AKR1B15: variants seen among roughly 807,000 people sequenced by gnomAD.
AKR1B15 encodes estradiol 17-beta-dehydrogenase AKR1B15.
In AKR1B15, 49 loss-of-function variants were observed where a neutral mutation model predicts 38.5. The observed-to-expected ratio is 1.27, with a 90% CI of 1.01 to 1.62. AKR1B15 has a LOEUF of 1.62. Ranked by LOEUF, AKR1B15 falls within the 40% of genes most tolerant of loss-of-function variation. The pLI is 0.00. For synonymous variants in AKR1B15, 137 were observed against 135.5 expected, an observed-to-expected ratio of 1.01 and a Z score of -0.08; for missense variants, 411 against 381.6, an observed-to-expected ratio of 1.08 and a Z score of -0.64.
At chr7:134,575,660 T>A (rs1440334204) in intron 7 of AKR1B15, 118 bp downstream of exon 7, 1 of 1,576,870 alleles carries the variant, frequency 6.3e-7, no homozygotes, top group East Asian at 2.2e-5. Context: ...TCAGGACACT[T>A]TGGGGAGGTG....
chr7:134,555,062 G>A (rs1385029501), intron 1 of AKR1B15, among the ~76,000 whole-genome samples: 1 of 152,180 alleles, frequency 6.6e-6, no homozygotes, highest in Non-Finnish European at 1.5e-5. Flanking sequence ...CCCTTACCAG[G>A]CTGGGTTTTC....
intron 2 of AKR1B15, among the ~76,000 whole-genome samples, chr7:134,560,162 T>A (rs1270460539): frequency 1.3e-5 from 2 of 151,120 alleles, no homozygotes; most frequent in East Asian, 3.9e-4. Flanking sequence ...CCTCAAGAGG[T>A]GAAATCTATT....
intron 4 of AKR1B15, 44 bp downstream of exon 4, chr7:134,568,369 G>A: frequency 6.2e-7 from 1 of 1,608,054 alleles, no homozygotes; most frequent in Non-Finnish European, 8.5e-7. Flanking sequence ...TTCAAGGCAG[G>A]CAGAAGTATC....
At position 134,575,365 on chromosome 7, in the gene AKR1B15, C is replaced by G. The variant is rs541813811; in HGVS notation, c.514-55C>G. On this transcript the variant is annotated intron_variant, in intron 6 of 11. Coordinates refer to ENST00000457545, the MANE Select transcript of AKR1B15 (RefSeq NM_001080538.3). ...TGCCCCAGGGAAGACTAAGGCAAGCCAGGGTCCCTGTAGTCCCTCTAGAGC... is the reference window on the plus strand; with the variant it reads ...TGCCCCAGGGAAGACTAAGGCAAGCGAGGGTCCCTGTAGTCCCTCTAGAGC... 29 of 1,580,286 alleles carry G rather than the reference C, an allele frequency of 1.8e-5. No homozygotes were observed. In the African/African-American group the frequency reaches 3.5e-4, roughly 19 times the overall value.
rs565594741 is a variant in AKR1B15, at chr7:134,569,412, G to C, written c.319-1G>C. ...CTAGCTCATTGCTACACTCTTTGCA[G>C]GTGTGGCCCACTTTCTTTGAGAGAC... On this transcript the variant is annotated splice_acceptor_variant, in intron 4 of 11. Transcript: ENST00000457545. LOFTEE classifies it high-confidence loss of function. 4.3e-6 allele frequency: 7 copies of C among 1,614,012 alleles called. No individual in the cohort carries two copies. Among genetic ancestry groups the C allele is most frequent in the Non-Finnish European group, 5.9e-6 (7 of 1,179,922 alleles).
In AKR1B15 at chr7:134,557,236, T is replaced by C. The variant is rs147610697; in HGVS notation, c.-23+377T>C. ...CTTGTTAGGGTTAGTCTTCAGGCCT[T>C]GTATATTAAATTGGTTTCTTAATTT... On this transcript the variant is annotated intron_variant, in intron 2 of 11. Transcript: ENST00000457545. 1.5e-3 allele frequency among the ~76,000 whole-genome samples: 225 copies of C among 152,310 alleles called. 1 individual carries two copies. Among genetic ancestry groups the C allele is most frequent in the African/African-American group, 5.3e-3 (219 of 41,566 alleles).
At chr7:134,553,034 G>A (rs996583387) in intron 1 of AKR1B15, among the ~76,000 whole-genome samples, 10 of 138,586 alleles carry the variant, frequency 7.2e-5, no homozygotes, top group African/African-American at 2.6e-4. Flanking sequence ...TCGGGTATCA[G>A]GTCCCAGCCA....
In AKR1B15 at chr7:134,579,691, GT is replaced by G; in HGVS notation, c.*146del. ...TGTTGTAGACCAGAATGGAGGTGCT[GT>G]TTTAGACATGTATTTCTGTATGTTC... On this transcript the variant is annotated 3_prime_UTR_variant, in exon 12 of 12. Transcript: ENST00000457545. 1 of 645,626 alleles carries G rather than the reference GT, an allele frequency of 1.5e-6. No homozygotes were observed. The highest frequency in any genetic ancestry group is 2.5e-6 in the Non-Finnish European group (1 of 393,534). 40.0% of individuals were successfully genotyped at this position (645,626 alleles called of 1,614,324 possible).
intron 6 of AKR1B15, among the ~76,000 whole-genome samples, chr7:134,574,320 T>C (rs900372695): frequency 6.6e-5 from 10 of 152,228 alleles, no homozygotes; most frequent in African/African-American, 2.4e-4. Flanking sequence ...CCTGCCTTCC[T>C]GTGTCATATG....
chr7:134,567,281 G>A (rs531276931), intron 3 of AKR1B15, among the ~76,000 whole-genome samples: 1 of 152,306 alleles, frequency 6.6e-6, no homozygotes, highest in African/African-American at 2.4e-5. Context: ...GGCTAGGTTA[G>A]AACAAAGTGT....
chr7:134,560,787 C>A (rs1424178590), intron 2 of AKR1B15, among the ~76,000 whole-genome samples: 2 of 152,184 alleles, frequency 1.3e-5, no homozygotes, highest in Non-Finnish European at 2.9e-5. Flanking sequence ...AGACGGCGAA[C>A]ACCACAACCT....
Position 134,571,663 on chromosome 7 carries a change from G to A in AKR1B15, c.495G>A (p.Thr165=), listed in dbSNP as rs141624275. The A allele has an allele frequency of 1.6e-3, 2,569 of 1,613,618 alleles. 4 individuals carry two copies. Among genetic ancestry groups the A allele is most frequent in the African/African-American group, 9.2e-3 (689 of 75,002 alleles). Residue 165 remains threonine (T), a synonymous_variant, in exon 6 of 12, where the codon ACG becomes ACA. Transcript: ENST00000457545. ...GTAATATGATCAGTGGAAAAGGAAC[G>A]TTCTTGGATGCCTGGGAGGTAGGTT... The part of the protein sequence containing the change: ...DKGNMISGKG[T]FLDAWEAMEE...
chr7:134,565,436 C>T (rs769449424), intron 3 of AKR1B15: 12 of 1,611,774 alleles, frequency 7.4e-6, no homozygotes, highest in Admixed American at 6.7e-5. Flanking sequence ...CACAGCAGGA[C>T]GTGAGACTTC....
At chr7:134,562,866 CTTT>C (rs1794445171) in intron 2 of AKR1B15, among the ~76,000 whole-genome samples, 12 of 142,712 alleles carry the variant, frequency 8.4e-5, no homozygotes, top group African/African-American at 2.7e-4. Flanking sequence ...TTCTTTCTTT[CTTT>C]CTTTCTTTCT....
chr7:134,565,204 A>G (rs1794505279), intron 3 of AKR1B15: 1 of 427,616 alleles, frequency 2.3e-6, no homozygotes, highest in Non-Finnish European at 4.2e-6. Flanking sequence ...TTGGGTCCAC[A>G]CCACCTTTAA....
chr7:134,569,572 T>G (rs760377981), intron 5 of AKR1B15, 43 bp downstream of exon 5: 1 of 1,606,462 alleles, frequency 6.2e-7, no homozygotes, highest in Non-Finnish European at 8.5e-7. Flanking sequence ...TCTGAGCTGT[T>G]GCAGGAATTC....
chr7:134,569,812 A>G (rs564463726), intron 5 of AKR1B15: 3 of 331,740 alleles, frequency 9.0e-6, no homozygotes, highest in South Asian at 3.2e-5. Flanking sequence ...TCTTAATCCC[A>G]TCATCTTCGT....
At position 134,571,629 on chromosome 7, in the gene AKR1B15, A is replaced by G. The variant is rs778685873; in HGVS notation, c.461A>G (p.Asp154Gly). 17 of 1,613,354 alleles carry G rather than the reference A, an allele frequency of 1.1e-5. No homozygotes were observed. The highest frequency in any genetic ancestry group is 4.5e-5 in the East Asian group (2 of 44,874). Residue 154 changes from aspartate (D) to glycine (G), a missense_variant, in exon 6 of 12, where the codon GAT becomes GGT. By Grantham distance (94) the Asp-to-Gly change is moderately conservative (BLOSUM62 -1). Around this residue, in one of 3 missense-constraint regions of AKR1B15, gnomAD observed 254 missense variants for 212.4 expected, o/e 1.20. Coordinates refer to ENST00000457545, the MANE Select transcript of AKR1B15 (RefSeq NM_001080538.3). Reference sequence around the variant, plus strand: ...ACTGGGGATGACTTTTTCCCCAAAGATGATAAAGGTAATATGATCAGTGGA... The same window carrying G: ...ACTGGGGATGACTTTTTCCCCAAAGGTGATAAAGGTAATATGATCAGTGGA... ...FKTGDDFFPK[D>G]DKGNMISGKG...
intron 1 of AKR1B15, among the ~76,000 whole-genome samples, chr7:134,553,131 GC>G (rs1301408588): frequency 6.6e-6 from 1 of 152,150 alleles, no homozygotes; most frequent in African/African-American, 2.4e-5. Context: ...TGCTCGAAAG[GC>G]AGCCATCCTT....
Sources: gnomAD v4.1 joint callset for allele counts (sites outside exome capture counted in the v4.1 genomes callset) on GRCh38, gnomAD v4.1.1 for gene constraint, gnomAD v4.1.1 regional missense constraint, MANE v1.5 for transcripts, NCBI Gene and HGNC (gene_info 2026-07-23, HGNC 2026-07-21) for gene names.